Variants in FHIT observed in about 807,000 individuals in gnomAD.
FHIT encodes the protein fragile histidine triad diadenosine triphosphatase.
Under a neutral mutation model 17.9 loss-of-function variants are expected in FHIT, and 19 were observed. That is an observed-to-expected ratio of 1.06 (90% CI 0.74 to 1.56). The LOEUF (loss-of-function observed/expected upper bound fraction) is 1.56. FHIT is among the 40% of genes most tolerant of loss of function. FHIT has a pLI of 0.00. For synonymous variants in FHIT, 81 were observed against 69.7 expected (o/e 1.16, Z -0.81); for missense variants, 248 against 189.2 (o/e 1.31, Z -1.82).
chr3:61,091,758 G>C (rs1251447495), intron 2 of FHIT, among the ~76,000 whole-genome samples: 2 of 151,646 alleles, frequency 1.3e-5, no homozygotes, highest in Admixed American at 1.3e-4. Context: ...GACGAGCCTG[G>C]ACACCATGGC....
intron 3 of FHIT, among the ~76,000 whole-genome samples, chr3:60,964,847 T>C (rs1553782621): frequency 6.6e-6 from 1 of 152,188 alleles, no homozygotes; most frequent in Non-Finnish European, 1.5e-5. Context: ...GACCTTTCTC[T>C]CTGGCTGCTC....
At chr3:60,107,604 C>A (rs1319068391) in intron 5 of FHIT, among the ~76,000 whole-genome samples, 1 of 152,146 alleles carries the variant, frequency 6.6e-6, no homozygotes, top group East Asian at 1.9e-4. Context: ...ATTAGAAAGT[C>A]ACTAAATATA....
intron 2 of FHIT, among the ~76,000 whole-genome samples, chr3:61,064,235 G>C (rs1235454231): frequency 6.6e-6 from 1 of 151,870 alleles, no homozygotes; most frequent in African/African-American, 2.4e-5. Context: ...AATGGAAAGA[G>C]AGAGAGAGGC....
chr3:60,575,675 A>T (rs567222971), intron 4 of FHIT, among the ~76,000 whole-genome samples: 1 of 152,336 alleles, frequency 6.6e-6, no homozygotes, highest in East Asian at 1.9e-4. Flanking sequence ...ACTTACAAAC[A>T]TAAGTTCCAG....
chr3:60,796,037 A>C (rs1553730196), intron 4 of FHIT, among the ~76,000 whole-genome samples: 3 of 152,172 alleles, frequency 2.0e-5, no homozygotes, highest in Non-Finnish European at 2.9e-5. Flanking sequence ...GGTGGCAGCA[A>C]GAGAAAATGA....
At chr3:59,968,808 T>C (rs1708047903) in intron 7 of FHIT, among the ~76,000 whole-genome samples, 1 of 152,202 alleles carries the variant, frequency 6.6e-6, no homozygotes, top group African/African-American at 2.4e-5. Flanking sequence ...TGCTGTCAAA[T>C]GCTTTTGAGA....
intron 5 of FHIT, among the ~76,000 whole-genome samples, chr3:60,219,892 C>G (rs1463719021): frequency 6.6e-6 from 1 of 152,112 alleles, no homozygotes; most frequent in African/African-American, 2.4e-5. Flanking sequence ...GCTACTCAAC[C>G]TGGATCTGCC....
intron 8 of FHIT, among the ~76,000 whole-genome samples, chr3:59,900,987 G>A (rs1465999124): frequency 6.6e-6 from 1 of 152,140 alleles, no homozygotes; most frequent in East Asian, 1.9e-4. Flanking sequence ...TTTCTTCCAA[G>A]TGTATGACCA....
At chr3:60,321,954 C>T (rs1709453128) in intron 5 of FHIT, among the ~76,000 whole-genome samples, 1 of 152,204 alleles carries the variant, frequency 6.6e-6, no homozygotes. Context: ...GAAGGTCCTA[C>T]CTCTTAATAG....
chr3:60,604,191 C>A (rs1260694093), intron 4 of FHIT, among the ~76,000 whole-genome samples: 1 of 152,106 alleles, frequency 6.6e-6, no homozygotes, highest in Admixed American at 6.6e-5. Flanking sequence ...ACAGGTGAGT[C>A]TGGCCTTGTG....
chr3:59,791,773 G>T (rs759130523), intron 8 of FHIT, among the ~76,000 whole-genome samples: 1 of 152,086 alleles, frequency 6.6e-6, no homozygotes, highest in Non-Finnish European at 1.5e-5. Flanking sequence ...GGTATTTTGG[G>T]GATGACCCTG....
chr3:60,153,364 GAA>G (rs71089587), intron 5 of FHIT, among the ~76,000 whole-genome samples: 3,843 of 106,416 alleles, frequency 0.036, 139 homozygotes, highest in African/African-American at 0.12. Flanking sequence ...CAATTCACCA[GAA>G]AAAAAAAAAA....
At chr3:60,437,848 G>T (rs1023343606) in intron 5 of FHIT, among the ~76,000 whole-genome samples, 7 of 152,102 alleles carry the variant, frequency 4.6e-5, no homozygotes, top group Non-Finnish European at 7.4e-5. Context: ...CATACTTTAA[G>T]ATATTCTCTA....
rs1211770070 is a variant in FHIT, at chr3:60,790,833, T to C, written c.-18+31086A>G. On this transcript the variant is annotated intron_variant, in intron 4 of 9. Coordinates refer to ENST00000492590, the MANE Select transcript of FHIT (RefSeq NM_002012.4). ...GTTAACAATAGTGTAGCAATATTGGTTAATCAATTATAACAAATGTGTCAA... is the reference window on the plus strand; with the variant it reads ...GTTAACAATAGTGTAGCAATATTGGCTAATCAATTATAACAAATGTGTCAA... Among the ~76,000 whole-genome samples, 4 of 152,156 alleles carry C rather than the reference T, an allele frequency of 2.6e-5. No individual in the cohort carries two copies. The East Asian group carries it at 7.7e-4, about 29-fold the overall frequency.
intron 4 of FHIT, chr3:60,730,160 T>C (rs1463469716): frequency 6.9e-6 from 3 of 437,070 alleles, no homozygotes; most frequent in Non-Finnish European, 1.4e-5. Flanking sequence ...ACTGGGCTGT[T>C]TGTGTTGTCA....
intron 2 of FHIT, among the ~76,000 whole-genome samples, chr3:61,060,810 C>A (rs60541721): frequency 6.6e-6 from 1 of 152,212 alleles, no homozygotes; most frequent in African/African-American, 2.4e-5. Flanking sequence ...AGTCACTGTT[C>A]TTACAGCCTG....
chr3:60,681,931 C>G (rs1553696994), intron 4 of FHIT, among the ~76,000 whole-genome samples: 2 of 151,710 alleles, frequency 1.3e-5, no homozygotes, highest in Admixed American at 6.6e-5. Flanking sequence ...TCCAGAAGAT[C>G]TAGCTAAGAT....
At chr3:60,671,002 T>A (rs1302408300) in intron 4 of FHIT, among the ~76,000 whole-genome samples, 1 of 152,172 alleles carries the variant, frequency 6.6e-6, no homozygotes, top group Non-Finnish European at 1.5e-5. Flanking sequence ...CCTTCATTCA[T>A]CCAGCAAGAT....
intron 8 of FHIT, among the ~76,000 whole-genome samples, chr3:59,850,828 A>C (rs1701903292): frequency 6.6e-6 from 1 of 152,184 alleles, no homozygotes; most frequent in South Asian, 2.1e-4. Flanking sequence ...AAGGCAACAA[A>C]AAGAATACTA....
Sources: allele counts gnomAD v4.1 joint callset (sites outside exome capture counted in the v4.1 genomes callset), GRCh38; gene constraint gnomAD v4.1.1; transcripts MANE v1.5; gene names NCBI Gene and HGNC (gene_info 2026-07-23, HGNC 2026-07-21).